The following FCHSD2 variants were observed in gnomAD, a reference collection of about 807,000 sequenced individuals.
FCHSD2 encodes F-BAR and double SH3 domains protein 2.
FCHSD2 carries 38 observed loss-of-function variants against 108.1 expected under a neutral mutation model. The ratio of observed to expected loss-of-function variants is 0.35; its 90% CI spans 0.27 to 0.46. The LOEUF (loss-of-function observed/expected upper bound fraction) is 0.46, where lower values mean the gene tolerates loss of function less well. Ranked by LOEUF, FCHSD2 falls within the 20% of genes least tolerant of loss-of-function variation. The probability of loss-of-function intolerance (pLI) is 1.00; values close to 1 mark genes in which losing one functional copy is unlikely to be tolerated. For synonymous variants in FCHSD2, 279 were observed against 314.7 expected, an observed-to-expected ratio of 0.89 and a Z score of 1.20; for missense variants, 751 against 897.8, an observed-to-expected ratio of 0.84 and a Z score of 2.09.
In FCHSD2 at chr11:72,887,347, G is replaced by A. The variant is rs1038709332; in HGVS notation, c.1146+123C>T. On this transcript the variant is annotated intron_variant, in intron 12 of 19. Coordinates refer to ENST00000409418, the MANE Select transcript of FCHSD2 (RefSeq NM_014824.3). The stretch of plus-strand genomic sequence containing the variant: ...ACTCAACAAATACTACTGTGGACAC[G>A]AATGAAGACGGTGAATCACCTTCAT... The A allele has an allele frequency of 2.1e-5, 14 of 653,304 alleles. No homozygotes were observed. The East Asian group carries it at 2.4e-4, about 11-fold the overall frequency. The allele number at this position is 653,304 out of a possible 1,614,324, so 40.5% of individuals were successfully genotyped here.
intron 2 of FCHSD2, among the ~76,000 whole-genome samples, chr11:73,123,143 C>T (rs1860773553): frequency 6.6e-6 from 1 of 152,156 alleles, no homozygotes; most frequent in Non-Finnish European, 1.5e-5. Context: ...AGCCAAACCG[C>T]CACTCTCTTT....
chr11:72,998,715 A>G (rs1252407963), intron 5 of FCHSD2, among the ~76,000 whole-genome samples: 2 of 152,336 alleles, frequency 1.3e-5, no homozygotes, highest in East Asian at 3.9e-4. Context: ...AAAAAATATT[A>G]GATTGCTTAA....
At chr11:73,141,608 A>G (rs1324167427) in intron 1 of FCHSD2, among the ~76,000 whole-genome samples, 1 of 152,106 alleles carries the variant, frequency 6.6e-6, no homozygotes, top group African/African-American at 2.4e-5. Flanking sequence ...ACAAATGCAC[A>G]CCCGAAACTC....
At chr11:72,860,049 T>C (rs1033229844) in intron 13 of FCHSD2, among the ~76,000 whole-genome samples, 1 of 152,196 alleles carries the variant, frequency 6.6e-6, no homozygotes, top group African/African-American at 2.4e-5. Flanking sequence ...GGTATTAGAT[T>C]CTCATAAGGA....
intron 3 of FCHSD2, among the ~76,000 whole-genome samples, chr11:73,039,554 T>C (rs1268078835): frequency 1.3e-5 from 2 of 151,868 alleles, no homozygotes; most frequent in Non-Finnish European, 2.9e-5. Context: ...AATATTAATA[T>C]GTCACATGTA....
intron 3 of FCHSD2, among the ~76,000 whole-genome samples, chr11:73,062,053 AG>A (rs1159399710): frequency 6.6e-6 from 1 of 152,150 alleles, no homozygotes; most frequent in Non-Finnish European, 1.5e-5. Flanking sequence ...CACCTCATAC[AG>A]GAGAGCTCTG....
rs768378654 is a variant in FCHSD2, at chr11:72,842,795, A to T, written c.1752T>A (p.Asp584Glu). Residue 584 changes from aspartate to glutamate, a missense_variant, in exon 17 of 20, where the codon GAT (aspartate) becomes GAA (glutamate). By Grantham distance (45) the Asp-to-Glu change is conservative. Coordinates refer to ENST00000409418, the MANE Select transcript of FCHSD2 (RefSeq NM_014824.3). ...ALYDYEGQTD[D>E]ELSFPEGAII... ...TTGCTCCCTCAGGAAAAGATAACTC[A>T]TCATCTGTCTGGCCCTCATAATCAT... The T allele has an allele frequency of 6.2e-7, 1 of 1,613,986 alleles. No homozygotes were observed. The highest frequency in any genetic ancestry group is 1.7e-5 in the Admixed American group (1 of 60,026).
intron 2 of FCHSD2, among the ~76,000 whole-genome samples, chr11:73,101,220 G>C: frequency 6.6e-6 from 1 of 152,194 alleles, no homozygotes; most frequent in Admixed American, 6.5e-5. Context: ...TAAAATAGCA[G>C]ATAAATGCCA....
chr11:73,045,097 A>T (rs1366334430), intron 3 of FCHSD2, among the ~76,000 whole-genome samples: 8 of 152,180 alleles, frequency 5.3e-5, no homozygotes, highest in Non-Finnish European at 8.8e-5. Context: ...ATGGGGTAAA[A>T]GTGGGCAAAG....
intron 2 of FCHSD2, among the ~76,000 whole-genome samples, chr11:73,117,099 A>G (rs1447484457): frequency 6.6e-6 from 1 of 152,108 alleles, no homozygotes; most frequent in African/African-American, 2.4e-5. Context: ...TTTTCCATTC[A>G]TCTTTCTACT....
At chr11:72,977,344 C>T (rs1857122828) in intron 8 of FCHSD2, among the ~76,000 whole-genome samples, 2 of 152,120 alleles carry the variant, frequency 1.3e-5, no homozygotes. Context: ...GGGATCACAT[C>T]AAGTTAAAAA....
intron 8 of FCHSD2, among the ~76,000 whole-genome samples, chr11:72,973,788 T>C (rs1174720445): frequency 6.6e-6 from 1 of 152,252 alleles, no homozygotes; most frequent in Non-Finnish European, 1.5e-5. Context: ...CTAAGGCCTG[T>C]AGGCCAAATC....
intron 2 of FCHSD2, among the ~76,000 whole-genome samples, chr11:73,136,800 C>T (rs1377470425): frequency 6.6e-6 from 1 of 152,098 alleles, no homozygotes; most frequent in Non-Finnish European, 1.5e-5. Flanking sequence ...GAGGCCGAGG[C>T]GGGTGGATCA....
At chr11:73,081,872 C>G (rs559693369) in intron 3 of FCHSD2, among the ~76,000 whole-genome samples, 1 of 152,146 alleles carries the variant, frequency 6.6e-6, no homozygotes, top group Non-Finnish European at 1.5e-5. Context: ...CAATAAATGT[C>G]AGCTATCATT....
intron 6 of FCHSD2, among the ~76,000 whole-genome samples, chr11:72,986,776 G>T (rs999552413): frequency 1.3e-5 from 2 of 152,064 alleles, no homozygotes; most frequent in African/African-American, 4.8e-5. Context: ...GTGATAGATA[G>T]AATAAAATAG....
intron 5 of FCHSD2, among the ~76,000 whole-genome samples, chr11:72,993,070 C>A (rs1264019016): frequency 6.6e-6 from 1 of 151,050 alleles, no homozygotes; most frequent in Non-Finnish European, 1.5e-5. Flanking sequence ...AAGAAAAAAA[C>A]AAACAACCCC....
intron 13 of FCHSD2, among the ~76,000 whole-genome samples, chr11:72,860,259 GA>G (rs924780897): frequency 1.3e-5 from 2 of 152,168 alleles, no homozygotes; most frequent in Admixed American, 1.3e-4. Flanking sequence ...TAGAAGACTA[GA>G]ACAATACTAT....
intron 4 of FCHSD2, among the ~76,000 whole-genome samples, chr11:73,004,780 A>AAC (rs1565364261): frequency 6.6e-6 from 1 of 152,228 alleles, no homozygotes; most frequent in Non-Finnish European, 1.5e-5. Context: ...AAATGCTAGT[A>AAC]ACCCCTTAGT....
At chr11:73,022,754 C>A (rs1858138358) in intron 3 of FCHSD2, among the ~76,000 whole-genome samples, 2 of 152,036 alleles carry the variant, frequency 1.3e-5, no homozygotes, top group Admixed American at 1.3e-4. Flanking sequence ...AAAATAAGAA[C>A]AAAATCAGAG....
Sources: allele counts gnomAD v4.1 joint callset (sites outside exome capture counted in the v4.1 genomes callset), GRCh38; gene constraint gnomAD v4.1.1; transcripts MANE v1.5; gene names NCBI Gene and HGNC (gene_info 2026-07-23, HGNC 2026-07-21).